SORCS3: variants seen among roughly 807,000 people sequenced by gnomAD.
The protein encoded by SORCS3 is VPS10 domain-containing receptor SorCS3.
A neutral mutation model predicts 146.3 loss-of-function variants in SORCS3; 57 were observed. That is an observed-to-expected ratio of 0.39 (90% CI 0.31 to 0.49). SORCS3 has a LOEUF of 0.49. Ranked by LOEUF, SORCS3 falls within the 20% of genes least tolerant of loss-of-function variation. The probability of loss-of-function intolerance (pLI) is 0.92; values close to 1 mark genes in which losing one functional copy is unlikely to be tolerated. For missense variants in SORCS3, 1,341 were observed against 1,575.5 expected (o/e 0.85, Z 2.52); for synonymous variants, 653 against 618.5 (o/e 1.06, Z -0.83).
At chr10:104,827,884 T>A (rs1310841765) in intron 1 of SORCS3, among the ~76,000 whole-genome samples, 1 of 152,232 alleles carries the variant, frequency 6.6e-6, no homozygotes, top group East Asian at 1.9e-4. Flanking sequence ...GTTATGGACA[T>A]CCCTTCTTTT....
At chr10:104,901,310 T>C (rs2018848910) in intron 2 of SORCS3, among the ~76,000 whole-genome samples, 1 of 152,196 alleles carries the variant, frequency 6.6e-6, no homozygotes, top group African/African-American at 2.4e-5. Context: ...AGAGGGTAAG[T>C]GACCTGGTCA....
intron 2 of SORCS3, among the ~76,000 whole-genome samples, chr10:104,879,848 C>T (rs1380483934): frequency 6.6e-6 from 1 of 152,158 alleles, no homozygotes; most frequent in African/African-American, 2.4e-5. Context: ...TTAACCTGCA[C>T]AAAACTATAC....
intron 3 of SORCS3, among the ~76,000 whole-genome samples, chr10:104,965,461 T>C (rs931581164): frequency 2.0e-5 from 3 of 152,228 alleles, no homozygotes; most frequent in Non-Finnish European, 4.4e-5. Flanking sequence ...GATCATATGA[T>C]AATTCTATTT....
chr10:105,137,336 T>C (rs2056065631), intron 7 of SORCS3, among the ~76,000 whole-genome samples: 1 of 151,974 alleles, frequency 6.6e-6, no homozygotes, highest in Non-Finnish European at 1.5e-5. Flanking sequence ...ATTTTGGGAG[T>C]ATAAAAGCTT....
rs570492030 is a variant in SORCS3, at chr10:104,782,034, G to A, written c.628-60758G>A. 5.3e-5 allele frequency among the ~76,000 whole-genome samples: 8 copies of A among 152,374 alleles called. No homozygotes were observed. In the South Asian group the frequency reaches 1.7e-3, roughly 32 times the overall value. On this transcript the variant is annotated intron_variant, in intron 1 of 26. Coordinates refer to ENST00000369701, the MANE Select transcript of SORCS3 (RefSeq NM_014978.3). The stretch of plus-strand genomic sequence containing the variant: ...TATGTGTGTGTGTTTTGGTGTGCAT[G>A]TGTACCCACAGACACACTCACAAAT...
intron 22 of SORCS3, among the ~76,000 whole-genome samples, chr10:105,248,862 C>T (rs887793330): frequency 6.6e-6 from 1 of 152,110 alleles, no homozygotes; most frequent in African/African-American, 2.4e-5. Context: ...CCAAAAGAAG[C>T]TTGGCATCTA....
At chr10:105,053,463 A>G (rs2055426392) in intron 5 of SORCS3, among the ~76,000 whole-genome samples, 2 of 152,058 alleles carry the variant, frequency 1.3e-5, no homozygotes, top group Admixed American at 6.6e-5. Context: ...TGGAAACACA[A>G]TATATCTCAT....
At chr10:104,762,494 C>G (rs1226123154) in intron 1 of SORCS3, among the ~76,000 whole-genome samples, 3 of 152,160 alleles carry the variant, frequency 2.0e-5, no homozygotes, top group African/African-American at 7.2e-5. Context: ...TCTCTTCAAC[C>G]AAAACCTAAG....
chr10:105,039,770 G>T (rs1450660087), intron 4 of SORCS3, among the ~76,000 whole-genome samples: 2 of 152,056 alleles, frequency 1.3e-5, no homozygotes, highest in East Asian at 1.9e-4. Flanking sequence ...CTCTCTTTAT[G>T]TTAGAAAGAG....
At chr10:104,968,322 G>A (rs1246507144) in intron 3 of SORCS3, among the ~76,000 whole-genome samples, 3 of 152,082 alleles carry the variant, frequency 2.0e-5, no homozygotes, top group Non-Finnish European at 2.9e-5. Context: ...CATCATATTG[G>A]TCAGGCTGGT....
intron 3 of SORCS3, among the ~76,000 whole-genome samples, chr10:104,967,428 TAG>T (rs1324881754): frequency 6.6e-6 from 1 of 152,174 alleles, no homozygotes; most frequent in Non-Finnish European, 1.5e-5. Context: ...ACATGTACAA[TAG>T]AGTGTTAACT....
intron 5 of SORCS3, among the ~76,000 whole-genome samples, chr10:105,046,563 C>T (rs2055373115): frequency 6.6e-6 from 1 of 152,134 alleles, no homozygotes; most frequent in Admixed American, 6.6e-5. Context: ...TGTTAGAATA[C>T]ATTGGAAATT....
chr10:104,842,155 T>C (rs2018148603), intron 1 of SORCS3, among the ~76,000 whole-genome samples: 2 of 152,210 alleles, frequency 1.3e-5, no homozygotes, highest in Admixed American at 1.3e-4. Flanking sequence ...TCAACTGATG[T>C]CAAGAAAGTG....
intron 1 of SORCS3, among the ~76,000 whole-genome samples, chr10:104,725,659 T>C (rs1173391262): frequency 6.6e-6 from 1 of 152,218 alleles, no homozygotes; most frequent in Non-Finnish European, 1.5e-5. Context: ...GTTTACCTAC[T>C]CAAGCCTCGG....
At chr10:105,011,933 T>A (rs1412207562) in intron 4 of SORCS3, among the ~76,000 whole-genome samples, 1 of 152,210 alleles carries the variant, frequency 6.6e-6, no homozygotes, top group Non-Finnish European at 1.5e-5. Flanking sequence ...ACATATATTG[T>A]TAGTTGGTCA....
rs530026402 is a variant in SORCS3, at chr10:104,950,650, T to C, written c.796-26685T>C. Among the ~76,000 whole-genome samples the C allele has an allele frequency of 4.6e-5, 7 of 152,292 alleles. No homozygotes were observed. In the East Asian group the frequency reaches 1.3e-3, roughly 29 times the overall value. ...GAAAATTTCATTTGAATAGAAGGGC[T>C]AGCACAAGTGGCTTGGGGAAAAGCC... On this transcript the variant is annotated intron_variant, in intron 3 of 26. Transcript: ENST00000369701.
intron 4 of SORCS3, among the ~76,000 whole-genome samples, chr10:104,997,171 T>C (rs1445162770): frequency 6.6e-6 from 1 of 152,134 alleles, no homozygotes; most frequent in Non-Finnish European, 1.5e-5. Context: ...GTGAGGTATT[T>C]GGGTGCTAAT....
At chr10:104,755,622 T>A (rs1166853235) in intron 1 of SORCS3, among the ~76,000 whole-genome samples, 2 of 152,266 alleles carry the variant, frequency 1.3e-5, no homozygotes, top group East Asian at 3.9e-4. Context: ...ATGGGATAGA[T>A]TTACATAGGA....
At chr10:104,884,294 A>T (rs2018660087) in intron 2 of SORCS3, among the ~76,000 whole-genome samples, 1 of 152,216 alleles carries the variant, frequency 6.6e-6, no homozygotes, top group African/African-American at 2.4e-5. Flanking sequence ...TCATTTATTC[A>T]TTCCTCAACC....
Sources: gnomAD v4.1 joint callset for allele counts (sites outside exome capture counted in the v4.1 genomes callset) on GRCh38, gnomAD v4.1.1 for gene constraint, MANE v1.5 for transcripts, NCBI Gene and HGNC (gene_info 2026-07-23, HGNC 2026-07-21) for gene names.